Variants in TNFRSF11A observed in about 807,000 individuals in gnomAD.
The protein encoded by TNFRSF11A is tumor necrosis factor receptor superfamily member 11A.
TNFRSF11A carries 32 observed loss-of-function variants against 55.7 expected under a neutral mutation model. The observed-to-expected ratio is 0.57, with a 90% CI of 0.43 to 0.77. TNFRSF11A has a LOEUF of 0.77. TNFRSF11A is among the 30% of genes least tolerant of loss of function. The pLI, the probability that TNFRSF11A is intolerant of heterozygous loss-of-function variation, is 0.00. For missense variants in TNFRSF11A, 753 were observed against 809.8 expected (o/e 0.93, Z 0.85); for synonymous variants, 311 against 331.0 (o/e 0.94, Z 0.65).
chr18:62,354,262 G>C, intron 3 of TNFRSF11A, 129 bp from the exon 4 acceptor site: 1 of 1,204,840 alleles, frequency 8.3e-7, no homozygotes, highest in Non-Finnish European at 1.1e-6. Context: ...CAGTGTCCTG[G>C]TGATTCACTC....
In TNFRSF11A at chr18:62,383,928, G is replaced by A. The variant is rs1270321390; in HGVS notation, c.1568-823G>A. ...CCACGTGGCCCCATGATCCTCCAGG[G>A]CTGAGTTGTTAGGGACCATGAGGAA... On this transcript the variant is annotated intron_variant, in intron 9 of 9. Transcript: ENST00000586569. The surrounding 1 kb of genome is among the most constrained non-coding windows in gnomAD (Gnocchi z 4.2). Among the ~76,000 whole-genome samples, 1 of 152,008 alleles carries A rather than the reference G, an allele frequency of 6.6e-6. No individual in the cohort carries two copies. The highest frequency in any genetic ancestry group is 2.4e-5 in the African/African-American group (1 of 41,372).
At chr18:62,376,957 C>T (rs1191254444) in intron 9 of TNFRSF11A, among the ~76,000 whole-genome samples, 1 of 152,144 alleles carries the variant, frequency 6.6e-6, no homozygotes, top group Non-Finnish European at 1.5e-5. Context: ...TTCTGTCACC[C>T]AGGCTGGAGT....
intron 4 of TNFRSF11A, among the ~76,000 whole-genome samples, chr18:62,356,885 C>T (rs1054460744): frequency 1.4e-4 from 22 of 152,226 alleles, no homozygotes; most frequent in African/African-American, 5.3e-4. Context: ...GTCAGTGTTA[C>T]TAAGAGTCAT....
rs993432358 is a variant in TNFRSF11A at position 62,390,215 on chromosome 18, G to A, written c.*5181G>A. 1 of 152,198 alleles carries A rather than the reference G, an allele frequency of 6.6e-6. No individual in the cohort carries two copies. The highest frequency in any genetic ancestry group is 2.4e-5 in the African/African-American group (1 of 41,424). 9.4% of individuals were successfully genotyped at this position (152,198 alleles called of 1,614,324 possible). On this transcript the variant is annotated 3_prime_UTR_variant, in exon 10 of 10. Transcript: ENST00000586569. ...CTTCCCACTCTTTGCAACTAGGTCG[G>A]AGGGACGCACCTTCTCCACAGTTGA...
chr18:62,349,145 T>C (rs1177741426), intron 2 of TNFRSF11A, among the ~76,000 whole-genome samples: 1 of 151,802 alleles, frequency 6.6e-6, no homozygotes, highest in Non-Finnish European at 1.5e-5. Flanking sequence ...TGCGGCCCAG[T>C]TTAAAATCAT....
intron 9 of TNFRSF11A, among the ~76,000 whole-genome samples, chr18:62,370,811 ATTTCT>A (rs1232331377): frequency 2.8e-5 from 4 of 145,242 alleles, no homozygotes; most frequent in South Asian, 2.2e-4. Flanking sequence ...GCATTGTTCT[ATTTCT>A]TTTCTTTTCT....
chr18:62,346,335 G>T (rs2046383640), intron 1 of TNFRSF11A, among the ~76,000 whole-genome samples: 1 of 152,174 alleles, frequency 6.6e-6, no homozygotes. Context: ...TTACCACTTT[G>T]CCTCTTTCTT....
At chr18:62,333,451 CT>C (rs1408579600) in intron 1 of TNFRSF11A, among the ~76,000 whole-genome samples, 2 of 152,192 alleles carry the variant, frequency 1.3e-5, no homozygotes, top group East Asian at 3.8e-4. Flanking sequence ...GCACTCAGCT[CT>C]GACAATATTA....
intron 1 of TNFRSF11A, among the ~76,000 whole-genome samples, chr18:62,345,352 A>G (rs2046367807): frequency 6.6e-6 from 1 of 152,194 alleles, no homozygotes; most frequent in Admixed American, 6.5e-5. Flanking sequence ...TGCAAACCAC[A>G]TTTACTTAAA....
At position 62,355,264 on chromosome 18, in the gene TNFRSF11A, A is replaced by T. The variant is rs568047341; in HGVS notation, c.427+730A>T. ...TATTGAAAAATATGCACCTATTTGAAATCTTTATTTATTTTATTTATTTTT... is the reference window on the plus strand; with the variant it reads ...TATTGAAAAATATGCACCTATTTGATATCTTTATTTATTTTATTTATTTTT... On this transcript the variant is annotated intron_variant, in intron 4 of 9. Coordinates refer to ENST00000586569, the MANE Select transcript of TNFRSF11A (RefSeq NM_003839.4). Among the ~76,000 whole-genome samples the T allele has an allele frequency of 3.3e-5, 5 of 152,258 alleles. No individual in the cohort carries two copies. In the South Asian group the frequency reaches 1.0e-3, roughly 32 times the overall value.
At chr18:62,382,353 T>C (rs1471082438) in intron 9 of TNFRSF11A, among the ~76,000 whole-genome samples, 1 of 152,006 alleles carries the variant, frequency 6.6e-6, no homozygotes, top group Non-Finnish European at 1.5e-5. Flanking sequence ...CCAGGTGATC[T>C]ACTCGCCTCG....
Position 62,384,991 on chromosome 18 carries a change from A to G in TNFRSF11A, c.1808A>G (p.Lys603Arg), listed in dbSNP as rs1335152773. The G allele has an allele frequency of 1.4e-6, 2 of 1,470,568 alleles. No individual in the cohort carries two copies. Among genetic ancestry groups the G allele is most frequent in the Non-Finnish European group, 8.9e-7 (1 of 1,121,580 alleles). 91.1% of individuals were successfully genotyped at this position (1,470,568 alleles called of 1,614,324 possible). ...GGPEGLREPE[K>R]ASRPVQEQGG... ...CCCGAGGGGCTGCGGGAGCCGGAGA[A>G]GGCCTCGAGGCCGGTGCAGGAGCAA... is the stretch of plus-strand genomic sequence containing the variant. The change falls in exon 10 of 10, where the codon AAG becomes AGG. Residue 603 changes from lysine to arginine, a missense_variant. Transcript: ENST00000586569.
At chr18:62,378,634 A>G (rs1260189913) in intron 9 of TNFRSF11A, among the ~76,000 whole-genome samples, 4 of 152,228 alleles carry the variant, frequency 2.6e-5, no homozygotes, top group African/African-American at 4.8e-5. Flanking sequence ...TTTCAAATCT[A>G]TCATCTTGTT....
intron 4 of TNFRSF11A, 26 bp from the exon 5 acceptor site, chr18:62,358,204 TTTGTTTGTTCTGTCTGGG>T: frequency 6.3e-7 from 1 of 1,584,916 alleles, no homozygotes; most frequent in Non-Finnish European, 8.6e-7. Flanking sequence ...TCGTTTGTTT[TTTGTTTGTTCTGTCTGGG>T]TTGTTTTTTT....
chr18:62,376,368 G>A (rs776444712), intron 9 of TNFRSF11A, among the ~76,000 whole-genome samples: 7 of 145,402 alleles, frequency 4.8e-5, no homozygotes, highest in African/African-American at 1.0e-4. Flanking sequence ...AAGGGATCCC[G>A]AGGAGAGGAG....
At chr18:62,360,215 G>T (rs12458117) in intron 6 of TNFRSF11A, among the ~76,000 whole-genome samples, 166 bp downstream of exon 6, 1 of 151,938 alleles carries the variant, frequency 6.6e-6, no homozygotes, top group East Asian at 1.9e-4. Flanking sequence ...TTAATTCCAG[G>T]TATGTTGTTT....
intron 1 of TNFRSF11A, among the ~76,000 whole-genome samples, chr18:62,342,367 A>G: frequency 7.7e-6 from 1 of 130,018 alleles, no homozygotes; most frequent in African/African-American, 2.9e-5. Flanking sequence ...ATGCCACTGC[A>G]CTCCAGCCTG....
In TNFRSF11A at chr18:62,325,547, G is replaced by A; in HGVS notation, c.75+120G>A. ...CTTCCGAGAGGAGCCGGAGTTTTGG[G>A]GAGCGGAGGCCGTGGGAAGCTGGGG... On this transcript the variant is annotated intron_variant, in intron 1 of 9. Transcript: ENST00000586569. The surrounding 1 kb of genome is among the most constrained non-coding windows in gnomAD (Gnocchi z 4.7). 1 of 537,666 alleles carries A rather than the reference G, an allele frequency of 1.9e-6. No homozygotes were observed. The highest frequency in any genetic ancestry group is 2.4e-6 in the Non-Finnish European group (1 of 411,064). The allele number at this position is 537,666 out of a possible 1,614,324, so 33.3% of individuals were successfully genotyped here.
intron 4 of TNFRSF11A, 46 bp downstream of exon 4, chr18:62,354,580 A>G (rs777866339): frequency 5.6e-6 from 9 of 1,599,210 alleles, no homozygotes; most frequent in Non-Finnish European, 5.1e-6. Context: ...TGAGCCATGC[A>G]AAGCCAGCTT....
Sources: allele counts gnomAD v4.1 joint callset (sites outside exome capture counted in the v4.1 genomes callset), GRCh38; gene constraint gnomAD v4.1.1; non-coding constraint Gnocchi (gnomAD v3.1); transcripts MANE v1.5; gene names NCBI Gene and HGNC (gene_info 2026-07-23, HGNC 2026-07-21).